ZPLD1: variants seen among roughly 807,000 people sequenced by gnomAD.
The protein encoded by ZPLD1 is zona pellucida like domain containing 1.
Under a neutral mutation model 47.2 loss-of-function variants are expected in ZPLD1, and 34 were observed. The observed-to-expected ratio is 0.72, with a 90% CI of 0.55 to 0.96. The LOEUF (loss-of-function observed/expected upper bound fraction) is 0.96. ZPLD1 is among the 40% of genes least tolerant of loss of function. The pLI, the probability that ZPLD1 is intolerant of heterozygous loss-of-function variation, is 0.00. For missense variants in ZPLD1, 512 were observed against 505.8 expected, an observed-to-expected ratio of 1.01 and a Z score of -0.12; for synonymous variants, 176 against 186.2, an observed-to-expected ratio of 0.95 and a Z score of 0.45.
Position 102,456,192 on chromosome 3 carries a change from G to C in ZPLD1, c.328-1G>C. 1 of 1,611,162 alleles carries C rather than the reference G, an allele frequency of 6.2e-7. No individual in the cohort carries two copies. The highest frequency in any genetic ancestry group is 8.5e-7 in the Non-Finnish European group (1 of 1,178,792). ...TTAAACTGCATCTAACATTCTAACAGGTATCCACAATTCCTGGAGTCAGTG... is the reference window on the plus strand; with the variant it reads ...TTAAACTGCATCTAACATTCTAACACGTATCCACAATTCCTGGAGTCAGTG... On this transcript the variant is annotated splice_acceptor_variant, in intron 4 of 11. Coordinates refer to ENST00000466937, the MANE Select transcript of ZPLD1 (RefSeq NM_001329788.2). LOFTEE classifies it high-confidence loss of function.
chr3:102,399,820 G>GTTTA (rs1004552835), intron 7 of ZPLD1, among the ~76,000 whole-genome samples: 1 of 151,778 alleles, frequency 6.6e-6, no homozygotes, highest in Non-Finnish European at 1.5e-5. Context: ...TTGTTTGTTT[G>GTTTA]TTTATTTATT....
intron 7 of ZPLD1, among the ~76,000 whole-genome samples, chr3:102,395,294 A>G (rs1253939775): frequency 6.6e-6 from 1 of 152,162 alleles, no homozygotes; most frequent in Non-Finnish European, 1.5e-5. Context: ...ATATACGTAT[A>G]TGTAAATAAT....
intron 8 of ZPLD1, among the ~76,000 whole-genome samples, chr3:102,424,827 T>C (rs879636215): frequency 3.3e-5 from 5 of 152,214 alleles, no homozygotes; most frequent in Admixed American, 3.3e-4. Context: ...TGCAATCCTA[T>C]TCTATTTCAT....
chr3:102,412,312 T>C (rs577497518), intron 7 of ZPLD1, among the ~76,000 whole-genome samples: 45 of 151,722 alleles, frequency 3.0e-4, no homozygotes, highest in Non-Finnish European at 5.2e-4. Context: ...AAAATATGTT[T>C]TGGGAGGCAT....
chr3:102,386,287 CT>C (rs1224691188), intron 6 of ZPLD1, among the ~76,000 whole-genome samples: 4,374 of 125,890 alleles, frequency 0.035, 94 homozygotes, highest in African/African-American at 0.068. Flanking sequence ...TAAGTGGGGT[CT>C]TTTTTTTTTT....
intron 8 of ZPLD1, among the ~76,000 whole-genome samples, chr3:102,420,880 A>G (rs1165993215): frequency 1.3e-5 from 2 of 152,000 alleles, no homozygotes; most frequent in Non-Finnish European, 2.9e-5. Flanking sequence ...TGGCTAAGCC[A>G]CAAGAAGAGT....
At chr3:102,434,481 T>C (rs1316337829), upstream of ZPLD1, among the ~76,000 whole-genome samples, 3 of 152,178 alleles carry the variant, frequency 2.0e-5, no homozygotes, top group Non-Finnish European at 2.9e-5. Context: ...TTTCTATTAG[T>C]AACAGTTTAT....
chr3:102,400,110 C>T (rs1391215187), intron 7 of ZPLD1, among the ~76,000 whole-genome samples: 2 of 151,936 alleles, frequency 1.3e-5, no homozygotes, highest in Non-Finnish European at 2.9e-5. Flanking sequence ...TGAGCCACCA[C>T]GCCTGGCCAG....
rs908985085 is a variant in ZPLD1 at position 102,416,469 on chromosome 3, T to A, written c.-156-1591T>A. 2.6e-5 allele frequency among the ~76,000 whole-genome samples: 4 copies of A among 151,922 alleles called. No homozygotes were observed. The East Asian group carries it at 7.8e-4, about 29-fold the overall frequency. Reference sequence around the variant, plus strand: ...AGTAGAAGACATGATGGATATGCGTTCAAAGCGAAACCTGAAACATTGCTT... The same window carrying A: ...AGTAGAAGACATGATGGATATGCGTACAAAGCGAAACCTGAAACATTGCTT... On this transcript the variant is annotated intron_variant, in intron 7 of 17. Coordinates refer to the ZPLD1 transcript ENST00000491959.
chr3:102,470,433 A>T lies in ZPLD1; in HGVS notation c.973A>T (p.Thr325Ser), dbSNP rs779081132. ...HRERRDAGRRTTWSPQSSSGS... is the reference protein window; with the variant it reads ...HRERRDAGRRSTWSPQSSSGS... ...AGAAAGGAGAGATGCTGGGAGGAGGACGACTTGGAGCCCCCAGAGCTCTTC... is the reference window on the plus strand; with the variant it reads ...AGAAAGGAGAGATGCTGGGAGGAGGTCGACTTGGAGCCCCCAGAGCTCTTC... Residue 325 changes from threonine to serine, a missense_variant, in exon 10 of 12, where the codon ACG becomes TCG. Physicochemically the swap from Thr to Ser is moderately conservative, Grantham distance 58 (BLOSUM62 1). Transcript: ENST00000466937. The T allele has an allele frequency of 6.2e-7, 1 of 1,613,898 alleles. No homozygotes were observed. Among genetic ancestry groups the T allele is most frequent in the Non-Finnish European group, 8.5e-7 (1 of 1,179,966 alleles).
At chr3:102,477,252 T>C (rs994998931) in intron 11 of ZPLD1, among the ~76,000 whole-genome samples, 191 bp from the exon 12 acceptor site, 53 of 152,134 alleles carry the variant, frequency 3.5e-4, no homozygotes, top group African/African-American at 1.2e-3. Flanking sequence ...TGGCTGCCCA[T>C]GGGCAGCCTC....
At chr3:102,446,597 G>T (rs1351892574) in intron 3 of ZPLD1, among the ~76,000 whole-genome samples, 1 of 151,938 alleles carries the variant, frequency 6.6e-6, no homozygotes, top group Non-Finnish European at 1.5e-5. Context: ...TTATCTTAGG[G>T]CATAATCCAC....
At chr3:102,426,978 A>G (rs1196291201) in intron 8 of ZPLD1, among the ~76,000 whole-genome samples, 1 of 152,208 alleles carries the variant, frequency 6.6e-6, no homozygotes, top group Non-Finnish European at 1.5e-5. Context: ...TCCAGATCTA[A>G]AGAGCAAAGG....
At chr3:102,406,111 C>T (rs1056184883) in intron 7 of ZPLD1, among the ~76,000 whole-genome samples, 4 of 151,946 alleles carry the variant, frequency 2.6e-5, no homozygotes, top group African/African-American at 9.7e-5. Context: ...CCAGGCATGG[C>T]AGTCATACAG....
At chr3:102,465,217 A>G (rs1707572753) in intron 8 of ZPLD1, among the ~76,000 whole-genome samples, 1 of 152,212 alleles carries the variant, frequency 6.6e-6, no homozygotes, top group South Asian at 2.1e-4. Flanking sequence ...TATCAGTGAT[A>G]TTTAAAATAG....
Position 102,435,162 on chromosome 3 carries a change from T to G in ZPLD1, c.-123+8T>G. On this transcript the variant is annotated splice_region_variant and intron_variant, in intron 1 of 11. Transcript: ENST00000466937. ...GCAGGGGAAATGATGAAGGTAAGGT[T>G]GAGGATGGGAAATTTGCAAGATAAT... The G allele has an allele frequency of 6.2e-7, 1 of 1,614,062 alleles. No individual in the cohort carries two copies.
intron 7 of ZPLD1, among the ~76,000 whole-genome samples, chr3:102,406,923 A>G (rs1706693897): frequency 6.6e-6 from 1 of 151,892 alleles, no homozygotes; most frequent in African/African-American, 2.4e-5. Flanking sequence ...AAATGTTATC[A>G]GAAGTAAGAG....
At chr3:102,453,244 A>G in intron 4 of ZPLD1, 105 bp downstream of exon 4, 1 of 1,008,798 alleles carries the variant, frequency 9.9e-7, no homozygotes, top group African/African-American at 1.6e-5. Context: ...GAAAAAAAAT[A>G]AAATTGAACA....
upstream of ZPLD1, among the ~76,000 whole-genome samples, chr3:102,434,516 C>T (rs149662408): frequency 1.3e-3 from 204 of 152,142 alleles, no homozygotes; most frequent in African/African-American, 2.5e-3. Context: ...TCTTTTTTTA[C>T]ACAAACACTT....
Sources: allele counts gnomAD v4.1 joint callset (sites outside exome capture counted in the v4.1 genomes callset), GRCh38; gene constraint gnomAD v4.1.1; transcripts MANE v1.5; gene names NCBI Gene and HGNC (gene_info 2026-07-23, HGNC 2026-07-21).